The following ATP6V1G3 variants were observed in gnomAD, a reference collection of about 807,000 sequenced individuals.
ATP6V1G3 encodes ATPase H+ transporting V1 subunit G3.
ATP6V1G3 carries 9 observed loss-of-function variants against 9.3 expected under a neutral mutation model. The observed-to-expected ratio is 0.97, with a 90% CI of 0.59 to 1.69. The LOEUF is 1.69. ATP6V1G3 is among the 40% of genes most tolerant of loss of function. The pLI is 0.00. For synonymous variants in ATP6V1G3, 43 were observed against 43.8 expected, an observed-to-expected ratio of 0.98 and a Z score of 0.07; for missense variants, 133 against 139.0, an observed-to-expected ratio of 0.96 and a Z score of 0.22.
intron 1 of ATP6V1G3, chr1:198,536,700 C>G (rs3736930): frequency 3.7e-6 from 6 of 1,605,740 alleles, no homozygotes; most frequent in Non-Finnish European, 4.3e-6. Flanking sequence ...CCAGTCTCTT[C>G]GTTTTAGGAA....
chr1:198,530,492 A>G (rs938749240), intron 1 of ATP6V1G3, among the ~76,000 whole-genome samples: 8 of 152,330 alleles, frequency 5.3e-5, no homozygotes, highest in Admixed American at 5.2e-4. Context: ...GTCTCTTTTA[A>G]TATCTACCAC....
intron 1 of ATP6V1G3, among the ~76,000 whole-genome samples, chr1:198,537,934 G>A (rs1660184559): frequency 6.6e-6 from 1 of 152,200 alleles, no homozygotes; most frequent in Non-Finnish European, 1.5e-5. Flanking sequence ...GCTTATGTGA[G>A]TAAGCTGTTG....
upstream of ATP6V1G3, chr1:198,540,745 G>T: frequency 7.8e-7 from 1 of 1,286,992 alleles, no homozygotes; most frequent in Non-Finnish European, 1.1e-6. Context: ...AGATTATTGT[G>T]TCAACAGCAA....
rs1483090462 is a variant in ATP6V1G3, at chr1:198,529,126, C to A, written c.138G>T (p.Gln46His). ...AKEEAMVEID[Q>H]YRMQRDKEFR... ...ACTCTTTATCTCTCTGCATTCTGTA[C>A]TGGTCAATTTCTACCATTGCTTCCT... Residue 46 changes from glutamine to histidine, a missense_variant, in exon 2 of 3, where the codon CAG becomes CAT. Gln to His is a conservative substitution (Grantham distance 24, BLOSUM62 0). Transcript: ENST00000367382. The A allele has an allele frequency of 6.7e-7, 1 of 1,486,984 alleles. No homozygotes were observed. The highest frequency in any genetic ancestry group is 9.0e-7 in the Non-Finnish European group (1 of 1,111,238). The allele number at this position is 1,486,984 out of a possible 1,614,324, so 92.1% of individuals were successfully genotyped here. A position where few individuals can be genotyped will look rare whatever the true frequency, so the allele number is the denominator to read the frequency against.
In ATP6V1G3 at chr1:198,523,275, C is replaced by T; in HGVS notation, c.*116G>A. 1 of 1,021,504 alleles carries T rather than the reference C, an allele frequency of 9.8e-7. No individual in the cohort carries two copies. The highest frequency in any genetic ancestry group is 2.8e-5 in the Admixed American group (1 of 35,678). The allele number at this position is 1,021,504 out of a possible 1,614,324, so 63.3% of individuals were successfully genotyped here. A position where few individuals can be genotyped will look rare whatever the true frequency, so the allele number is the denominator to read the frequency against. The stretch of plus-strand genomic sequence containing the variant: ...CGATGTATGAGTTATGTCACATTTC[C>T]TGTAAATGTAAATTTAAGGTTCTCA... On this transcript the variant is annotated 3_prime_UTR_variant, in exon 3 of 3. Transcript: ENST00000367382.
chr1:198,536,637 A>C, intron 1 of ATP6V1G3: 2 of 1,499,124 alleles, frequency 1.3e-6, no homozygotes, highest in Non-Finnish European at 1.8e-6. Flanking sequence ...ACCTGTAATC[A>C]GTGAATACAG....
At chr1:198,540,530 T>C in intron 1 of ATP6V1G3, 39 bp downstream of exon 1, 2 of 1,588,540 alleles carry the variant, frequency 1.3e-6, no homozygotes, top group East Asian at 2.2e-5. Flanking sequence ...TCCACTGCTT[T>C]GTTTATTTCG....
chr1:198,526,590 A>G (rs1050732633), intron 2 of ATP6V1G3, among the ~76,000 whole-genome samples: 3 of 152,228 alleles, frequency 2.0e-5, no homozygotes, highest in Middle Eastern at 3.2e-3. Flanking sequence ...GCTTTACAGC[A>G]TAATGACTGA....
At chr1:198,528,003 A>G (rs1333868091) in intron 2 of ATP6V1G3, among the ~76,000 whole-genome samples, 1 of 152,118 alleles carries the variant, frequency 6.6e-6, no homozygotes, top group African/African-American at 2.4e-5. Flanking sequence ...TGGTAGGGGC[A>G]TGTTCTAGCT....
At chr1:198,533,601 G>C (rs1471661825) in intron 1 of ATP6V1G3, among the ~76,000 whole-genome samples, 1 of 152,214 alleles carries the variant, frequency 6.6e-6, no homozygotes, top group African/African-American at 2.4e-5. Context: ...ACATCCAATA[G>C]TGATGCTGAG....
At position 198,538,741 on chromosome 1, in the gene ATP6V1G3, A is replaced by G. The variant is rs1247642640; in HGVS notation, c.82+1828T>C. Among the ~76,000 whole-genome samples, 3 of 151,846 alleles carry G rather than the reference A, an allele frequency of 2.0e-5. No individual in the cohort carries two copies. In the East Asian group the frequency reaches 5.8e-4, roughly 29 times the overall value. ...CAACATGGCGAAACCCCGTCTCTAC[A>G]AAAATACAAAAATTGGCCGGGTGTG... On this transcript the variant is annotated intron_variant, in intron 1 of 2. Coordinates refer to ENST00000367382, the MANE Select transcript of ATP6V1G3 (RefSeq NM_001376861.1).
At position 198,529,845 on chromosome 1, in the gene ATP6V1G3, G is replaced by C. The variant is rs372514442; in HGVS notation, c.83-664C>G. On this transcript the variant is annotated intron_variant, in intron 1 of 2. Coordinates refer to ENST00000367382, the MANE Select transcript of ATP6V1G3 (RefSeq NM_001376861.1). ...GGCTATAAAACCAATTGTTTTTAAT[G>C]ATTAGGAGATTTAGTTAAGTAGCCT... is the stretch of plus-strand genomic sequence containing the variant. Among the ~76,000 whole-genome samples the C allele has an allele frequency of 2.6e-5, 4 of 151,970 alleles. No individual in the cohort carries two copies. In the East Asian group the frequency reaches 7.7e-4, roughly 29 times the overall value.
rs1435715609 is a variant in ATP6V1G3, at chr1:198,540,154, T to C, written c.82+415A>G. The stretch of plus-strand genomic sequence containing the variant: ...TGTTAAAAAGCTACCAAGAGAGGGA[T>C]GAGAATGAGCCATTATTATTCTGAT... On this transcript the variant is annotated intron_variant, in intron 1 of 2. Coordinates refer to ENST00000367382, the MANE Select transcript of ATP6V1G3 (RefSeq NM_001376861.1). 2.6e-4 allele frequency among the ~76,000 whole-genome samples: 40 copies of C among 152,146 alleles called. 1 individual carries two copies. The highest frequency in any genetic ancestry group is 2.6e-3 in the Admixed American group (40 of 15,262).
At chr1:198,534,898 TA>T (rs1660045186) in intron 1 of ATP6V1G3, among the ~76,000 whole-genome samples, 1 of 152,186 alleles carries the variant, frequency 6.6e-6, no homozygotes, top group Admixed American at 6.5e-5. Context: ...TCCCAGTGAC[TA>T]CAAACATTGG....
chr1:198,540,049 A>G (rs1660283832), intron 1 of ATP6V1G3, among the ~76,000 whole-genome samples: 1 of 152,148 alleles, frequency 6.6e-6, no homozygotes, highest in Non-Finnish European at 1.5e-5. Flanking sequence ...TGAGACCCTC[A>G]TCTCTTAAAA....
intron 1 of ATP6V1G3, among the ~76,000 whole-genome samples, chr1:198,529,445 C>G (rs190314250): frequency 6.6e-6 from 1 of 151,696 alleles, no homozygotes; most frequent in East Asian, 1.9e-4. Flanking sequence ...CTTTAGGACA[C>G]GTAAATGACA....
At chr1:198,529,854 A>G (rs2103134736) in intron 1 of ATP6V1G3, among the ~76,000 whole-genome samples, 1 of 151,738 alleles carries the variant, frequency 6.6e-6, no homozygotes, top group Non-Finnish European at 1.5e-5. Flanking sequence ...TGATTAGGAG[A>G]TTTAGTTAAG....
In ATP6V1G3 at chr1:198,529,118, A is replaced by T. The variant is rs1659783628; in HGVS notation, c.146T>A (p.Met49Lys). 6.6e-7 allele frequency: 1 copy of T among 1,505,488 alleles called. No individual in the cohort carries two copies. Among genetic ancestry groups the T allele is most frequent in the Non-Finnish European group, 8.9e-7 (1 of 1,120,866 alleles). The allele number at this position is 1,505,488 out of a possible 1,614,324, so 93.3% of individuals were successfully genotyped here. A position where few individuals can be genotyped will look rare whatever the true frequency, so the allele number is the denominator to read the frequency against. ...EAMVEIDQYR[M>K]QRDKEFRLKQ... is the part of the protein sequence containing the mutation. ...TAGTCGAAACTCTTTATCTCTCTGCATTCTGTACTGGTCAATTTCTACCAT... is the reference window on the plus strand; with the variant it reads ...TAGTCGAAACTCTTTATCTCTCTGCTTTCTGTACTGGTCAATTTCTACCAT... The change falls in exon 2 of 3, where the codon ATG becomes AAG. Residue 49 changes from methionine (M) to lysine (K), a missense_variant. Transcript: ENST00000367382.
Position 198,523,558 on chromosome 1 carries a change from C to G in ATP6V1G3, c.190G>C (p.Gly64Arg). ...EFRLKQSKIM[G>R]SQNNLSDEIE... ...TCATCTGAGAGATTATTCTGAGAGC[C>G]CATTATCTACCAAAACAAAACAGAC... The change falls in exon 3 of 3, where the codon GGC becomes CGC. Residue 64 changes from glycine (G) to arginine (R), a missense_variant. Physicochemically the swap from Gly to Arg is moderately radical, Grantham distance 125. Transcript: ENST00000367382. 6.2e-7 allele frequency: 1 copy of G among 1,610,238 alleles called. No individual in the cohort carries two copies. The highest frequency in any genetic ancestry group is 1.1e-5 in the South Asian group (1 of 90,646).
Sources: gnomAD v4.1 joint callset for allele counts (sites outside exome capture counted in the v4.1 genomes callset) on GRCh38, gnomAD v4.1.1 for gene constraint, MANE v1.5 for transcripts, NCBI Gene and HGNC (gene_info 2026-07-23, HGNC 2026-07-21) for gene names.